The following ROBO1 variants were observed in gnomAD, a reference collection of about 807,000 sequenced individuals.
ROBO1 encodes roundabout homolog 1.
Under a neutral mutation model 195.9 loss-of-function variants are expected in ROBO1, and 149 were observed. The observed-to-expected ratio is 0.76, with a 90% CI of 0.67 to 0.87. ROBO1 has a LOEUF of 0.87. Among genes scored for constraint, ROBO1 ranks in the 40% least tolerant of loss-of-function variants. The probability of loss-of-function intolerance (pLI) is 0.00; values close to 1 mark genes in which losing one functional copy is unlikely to be tolerated. For missense variants in ROBO1, 1,933 were observed against 2,068.3 expected (o/e 0.93, Z 1.27); for synonymous variants, 816 against 733.2 (o/e 1.11, Z -1.82).
intron 3 of ROBO1, among the ~76,000 whole-genome samples, chr3:79,113,323 G>A (rs558228473): frequency 2.5e-4 from 38 of 151,620 alleles, no homozygotes; most frequent in African/African-American, 8.5e-4. Flanking sequence ...GCCAGTTTTC[G>A]ATTACATAAT....
At chr3:78,720,721 T>G (rs2108103112) in intron 5 of ROBO1, among the ~76,000 whole-genome samples, 1 of 152,252 alleles carries the variant, frequency 6.6e-6, no homozygotes, top group South Asian at 2.1e-4. Context: ...TAGACTGGAT[T>G]AAGAAAATGT....
chr3:79,513,730 T>G (rs1186704924), intron 2 of ROBO1, among the ~76,000 whole-genome samples: 1 of 152,176 alleles, frequency 6.6e-6, no homozygotes, highest in African/African-American at 2.4e-5. Flanking sequence ...AATCCCATTC[T>G]TTGTGCACAT....
At chr3:79,379,364 C>T (rs529994961) in intron 2 of ROBO1, among the ~76,000 whole-genome samples, 17 of 152,274 alleles carry the variant, frequency 1.1e-4, no homozygotes, top group African/African-American at 4.1e-4. Context: ...TGTTAGCAAA[C>T]TTAACATCAG....
At chr3:79,654,500 C>T (rs1946102484) in intron 1 of ROBO1, among the ~76,000 whole-genome samples, 1 of 151,880 alleles carries the variant, frequency 6.6e-6, no homozygotes, top group Non-Finnish European at 1.5e-5. Context: ...CTAGTTTTGA[C>T]CGTAAAACAA....
intron 2 of ROBO1, among the ~76,000 whole-genome samples, chr3:79,393,159 A>G (rs972612997): frequency 3.3e-5 from 5 of 152,214 alleles, no homozygotes; most frequent in Admixed American, 3.3e-4. Context: ...GGTAGAACTA[A>G]TAAGCCTTTT....
intron 2 of ROBO1, among the ~76,000 whole-genome samples, chr3:79,249,053 G>A (rs1019080248): frequency 6.6e-6 from 1 of 152,114 alleles, no homozygotes; most frequent in Non-Finnish European, 1.5e-5. Flanking sequence ...CTGTTATCCT[G>A]TCTTCTTTTC....
Position 78,945,755 on chromosome 3 carries a change from A to G in ROBO1, c.173-6828T>C, listed in dbSNP as rs62257519. Reference sequence around the variant, plus strand: ...GAGGAAATTCAAACCAATGGCAAAGAAGTTAAAAGCTTTGAAAAAATATTA... The same window carrying G: ...GAGGAAATTCAAACCAATGGCAAAGGAGTTAAAAGCTTTGAAAAAATATTA... On this transcript the variant is annotated intron_variant, in intron 3 of 30. Transcript: ENST00000464233. Among the ~76,000 whole-genome samples the G allele has an allele frequency of 7.0e-3, 1,066 of 152,298 alleles. 9 individuals are homozygous for G. Among genetic ancestry groups the G allele is most frequent in the Non-Finnish European group, 0.012 (829 of 68,014 alleles).
At chr3:78,919,221 T>A (rs2107586103) in intron 4 of ROBO1, among the ~76,000 whole-genome samples, 1 of 152,286 alleles carries the variant, frequency 6.6e-6, no homozygotes, top group East Asian at 1.9e-4. Flanking sequence ...ACTCACTGGA[T>A]CCTCTGAACA....
chr3:78,886,407 C>A (rs1432124212), intron 4 of ROBO1, among the ~76,000 whole-genome samples: 1 of 151,970 alleles, frequency 6.6e-6, no homozygotes, highest in Non-Finnish European at 1.5e-5. Context: ...CCAACCTGAC[C>A]AACGTGGTGA....
intron 3 of ROBO1, among the ~76,000 whole-genome samples, chr3:79,056,639 G>C (rs889719305): frequency 6.6e-6 from 1 of 152,050 alleles, no homozygotes; most frequent in Admixed American, 6.6e-5. Flanking sequence ...TGTTTTCTAT[G>C]CTGCAGGGAG....
At chr3:78,892,036 C>T (rs946951206) in intron 4 of ROBO1, among the ~76,000 whole-genome samples, 1 of 152,174 alleles carries the variant, frequency 6.6e-6, no homozygotes, top group Non-Finnish European at 1.5e-5. Flanking sequence ...CACCAATAGT[C>T]ATTGGATTAG....
intron 2 of ROBO1, among the ~76,000 whole-genome samples, chr3:79,159,676 C>A (rs1407620759): frequency 6.6e-6 from 1 of 151,974 alleles, no homozygotes; most frequent in Non-Finnish European, 1.5e-5. Context: ...TATGTCAAGT[C>A]CTTCAAGTGA....
intron 3 of ROBO1, among the ~76,000 whole-genome samples, chr3:78,976,696 T>C (rs1380805078): frequency 6.6e-6 from 1 of 152,198 alleles, no homozygotes; most frequent in East Asian, 1.9e-4. Context: ...TGAACCTATA[T>C]ACTATATATA....
chr3:78,906,320 G>A (rs111792617), intron 4 of ROBO1, among the ~76,000 whole-genome samples: 1,630 of 152,116 alleles, frequency 0.011, 38 homozygotes, highest in African/African-American at 0.035. Context: ...CCACCTCAAT[G>A]GACAACTAAC....
rs71127358 is a variant in ROBO1, at chr3:78,787,926, C to CT, written c.500-41027dup. 8.4e-4 allele frequency among the ~76,000 whole-genome samples: 60 copies of CT among 71,712 alleles called. 1 individual carries two copies. Among genetic ancestry groups the CT allele is most frequent in the African/African-American group, 3.5e-3 (57 of 16,382 alleles). The allele number at this position is 71,712 out of a possible 152,430, so 47.0% of individuals were successfully genotyped here. On this transcript the variant is annotated intron_variant, in intron 4 of 30. Coordinates refer to ENST00000464233, the MANE Select transcript of ROBO1 (RefSeq NM_002941.4). ...CTGGCCACAGAGTTAGACCCCTTCT[C>CT]TTTTTTTTTTTTTTTTTTTTTTTTT...
At chr3:79,689,453 A>G (rs900030607) in intron 1 of ROBO1, among the ~76,000 whole-genome samples, 1 of 151,948 alleles carries the variant, frequency 6.6e-6, no homozygotes, top group African/African-American at 2.4e-5. Flanking sequence ...TAAGATCTAT[A>G]ATCATATGAA....
At chr3:79,058,495 G>A in intron 3 of ROBO1, among the ~76,000 whole-genome samples, 1 of 151,944 alleles carries the variant, frequency 6.6e-6, no homozygotes, top group Admixed American at 6.6e-5. Flanking sequence ...TATGGGAAGG[G>A]GAAACTTTTC....
At chr3:79,135,205 T>C (rs1460498677) in intron 2 of ROBO1, among the ~76,000 whole-genome samples, 1 of 152,120 alleles carries the variant, frequency 6.6e-6, no homozygotes, top group Non-Finnish European at 1.5e-5. Context: ...CCCACATCTA[T>C]TAAGTGAAAA....
At chr3:79,363,025 G>A (rs1401663522) in intron 2 of ROBO1, among the ~76,000 whole-genome samples, 4 of 152,166 alleles carry the variant, frequency 2.6e-5, no homozygotes, top group African/African-American at 9.7e-5. Flanking sequence ...GAGTTTTTAA[G>A]TGATGTAATT....
Sources: allele counts gnomAD v4.1 joint callset (sites outside exome capture counted in the v4.1 genomes callset), GRCh38; gene constraint gnomAD v4.1.1; transcripts MANE v1.5; gene names NCBI Gene and HGNC (gene_info 2026-07-23, HGNC 2026-07-21).